TPTE2: variants seen among roughly 807,000 people sequenced by gnomAD.
TPTE2 encodes the protein phosphatidylinositol 3,4,5-trisphosphate 3-phosphatase TPTE2.
In TPTE2, 53 loss-of-function variants were observed where a neutral mutation model predicts 78.6. The ratio of observed to expected loss-of-function variants is 0.67; its 90% CI spans 0.54 to 0.85. The LOEUF (loss-of-function observed/expected upper bound fraction) is 0.85. Ranked by LOEUF, TPTE2 falls within the 40% of genes least tolerant of loss-of-function variation. TPTE2 has a pLI of 0.00. For synonymous variants in TPTE2, 175 were observed against 206.2 expected (o/e 0.85, Z 1.30); for missense variants, 461 against 623.0 (o/e 0.74, Z 2.77).
At chr13:19,452,981 ATTTT>A (rs1878276890) in intron 10 of TPTE2, among the ~76,000 whole-genome samples, 1 of 71,196 alleles carries the variant, frequency 1.4e-5, no homozygotes, top group Non-Finnish European at 2.9e-5. Context: ...ATTTTATTTT[ATTTT>A]ATTTATTTTA....
chr13:19,460,876 A>T (rs1878847151), intron 10 of TPTE2, among the ~76,000 whole-genome samples: 1 of 152,218 alleles, frequency 6.6e-6, no homozygotes, highest in Non-Finnish European at 1.5e-5. Flanking sequence ...TCATCCACAG[A>T]GCCTAAAGCC....
intron 16 of TPTE2, among the ~76,000 whole-genome samples, chr13:19,431,686 C>T (rs4611300): frequency 0.92 from 130,069 of 140,752 alleles, 60,167 homozygotes; most frequent in East Asian, 0.99. Context: ...GCAGAACTTC[C>T]TTCTATTGAT....
intron 1 of TPTE2, among the ~76,000 whole-genome samples, chr13:19,531,804 G>C (rs181618854): frequency 7.2e-5 from 11 of 152,202 alleles, no homozygotes; most frequent in Admixed American, 3.3e-4. Flanking sequence ...GCACACACCT[G>C]TAATCCCAGC....
intron 1 of TPTE2, among the ~76,000 whole-genome samples, chr13:19,500,842 G>T (rs1868471153): frequency 6.7e-6 from 1 of 148,904 alleles, no homozygotes; most frequent in African/African-American, 2.5e-5. Flanking sequence ...ATTCAAGTAG[G>T]AAAAGAGGAA....
At chr13:19,424,137 C>A (rs900536024) in intron 19 of TPTE2, among the ~76,000 whole-genome samples, 2 of 152,178 alleles carry the variant, frequency 1.3e-5, no homozygotes, top group Non-Finnish European at 2.9e-5. Context: ...CTGGATGTAA[C>A]AATAACTATC....
the TPTE2 span, chr13:19,552,573 G>C: frequency 1.1e-6 from 1 of 869,978 alleles, no homozygotes; most frequent in Non-Finnish European, 1.8e-6. Flanking sequence ...ACACTTACCT[G>C]CTTCATTGTT....
At chr13:19,516,609 A>C (rs1253017251) in intron 1 of TPTE2, among the ~76,000 whole-genome samples, 1 of 152,180 alleles carries the variant, frequency 6.6e-6, no homozygotes, top group African/African-American at 2.4e-5. Flanking sequence ...TCTTCACTGT[A>C]ATAATTAACA....
chr13:19,511,868 A>C (rs1343697729), intron 1 of TPTE2, among the ~76,000 whole-genome samples: 2 of 152,122 alleles, frequency 1.3e-5, no homozygotes, highest in African/African-American at 2.4e-5. Flanking sequence ...TTAAAAAAAA[A>C]ATCACCATTT....
intron 1 of TPTE2, among the ~76,000 whole-genome samples, chr13:19,517,484 C>T (rs1344389954): frequency 6.6e-6 from 1 of 152,080 alleles, no homozygotes; most frequent in Non-Finnish European, 1.5e-5. Context: ...GTGGTCCTTC[C>T]AGCTGGGTAT....
At chr13:19,506,771 T>C (rs1185867785), upstream of TPTE2, among the ~76,000 whole-genome samples, 1 of 152,162 alleles carries the variant, frequency 6.6e-6, no homozygotes, top group Non-Finnish European at 1.5e-5. Context: ...ATTTCTAGTC[T>C]CTAGGACTAT....
intron 13 of TPTE2, among the ~76,000 whole-genome samples, chr13:19,448,353 C>G (rs936894088): frequency 1.3e-5 from 2 of 152,062 alleles, no homozygotes; most frequent in African/African-American, 4.8e-5. Context: ...AACACTTTTG[C>G]ACAGCAAAGG....
chr13:19,531,253 G>T (rs1402909749), intron 1 of TPTE2, among the ~76,000 whole-genome samples: 1 of 152,116 alleles, frequency 6.6e-6, no homozygotes, highest in African/African-American at 2.4e-5. Context: ...ATCCATGGAT[G>T]AACATTTGAG....
At chr13:19,515,411 T>C (rs901087206) in intron 1 of TPTE2, among the ~76,000 whole-genome samples, 1 of 152,208 alleles carries the variant, frequency 6.6e-6, no homozygotes, top group African/African-American at 2.4e-5. Context: ...CTACACAAAC[T>C]AATTTTGGAC....
intron 1 of TPTE2, among the ~76,000 whole-genome samples, chr13:19,531,491 T>C (rs2137746146): frequency 6.6e-6 from 1 of 152,260 alleles, no homozygotes; most frequent in East Asian, 1.9e-4. Context: ...AAGTCATTTA[T>C]CTTTTTTCTT....
At chr13:19,552,107 GT>G in the TPTE2 span, among the ~76,000 whole-genome samples, 1 of 152,164 alleles carries the variant, frequency 6.6e-6, no homozygotes. Flanking sequence ...AGCCTACTAT[GT>G]TTTTGCTTTG....
chr13:19,462,072 T>G (rs1484723253), intron 10 of TPTE2, among the ~76,000 whole-genome samples: 1 of 150,498 alleles, frequency 6.6e-6, no homozygotes, highest in Non-Finnish European at 1.5e-5. Context: ...TCTGGTTGTT[T>G]TGTATATCCT....
At chr13:19,498,158 A>C (rs1881509931) in intron 1 of TPTE2, among the ~76,000 whole-genome samples, 1 of 152,220 alleles carries the variant, frequency 6.6e-6, no homozygotes, top group Non-Finnish European at 1.5e-5. Context: ...TGAAAAGACC[A>C]AATCTACGTC....
At chr13:19,542,704 T>A in the TPTE2 span, among the ~76,000 whole-genome samples, 3 of 152,138 alleles carry the variant, frequency 2.0e-5, no homozygotes, top group Admixed American at 1.3e-4. Context: ...TAAGCATATA[T>A]TTCATGTAGG....
In TPTE2 at chr13:19,446,608, T is replaced by C. The variant is rs566387778; in HGVS notation, c.973+3468A>G. The stretch of plus-strand genomic sequence containing the variant: ...ACATGACAGAAAAGCATGAAATACA[T>C]ACACACACATAGAAAAACAAATTTT... On this transcript the variant is annotated intron_variant, in intron 13 of 19. Coordinates refer to ENST00000400230, the Ensembl canonical transcript of TPTE2. Among the ~76,000 whole-genome samples the C allele has an allele frequency of 1.5e-4, 23 of 152,260 alleles. 1 individual carries two copies. Among genetic ancestry groups the C allele is most frequent in the Admixed American group, 1.2e-3 (18 of 15,284 alleles).
Sources: allele counts gnomAD v4.1 joint callset (sites outside exome capture counted in the v4.1 genomes callset), GRCh38; gene constraint gnomAD v4.1.1; transcripts MANE v1.5; gene names NCBI Gene and HGNC (gene_info 2026-07-23, HGNC 2026-07-21).